Variants in SPARC observed in about 807,000 individuals in gnomAD.
SPARC encodes the protein basement-membrane protein 40.
A neutral mutation model predicts 37.7 loss-of-function variants in SPARC; 23 were observed. That is an observed-to-expected ratio of 0.61 (90% CI 0.44 to 0.87). The LOEUF is 0.87. Ranked by LOEUF, SPARC falls within the 40% of genes least tolerant of loss-of-function variation. SPARC has a pLI of 0.00. For missense variants in SPARC, 312 were observed against 389.0 expected (o/e 0.80, Z 1.66); for synonymous variants, 155 against 150.8 (o/e 1.03, Z -0.20).
At chr5:151,667,163 A>G (rs563671228) in intron 7 of SPARC, among the ~76,000 whole-genome samples, 1 of 152,326 alleles carries the variant, frequency 6.6e-6, no homozygotes, top group East Asian at 1.9e-4. Context: ...GGTAGTTAAT[A>G]TGCTCATTAA....
chr5:151,663,593 A>C lies in SPARC; in HGVS notation c.890T>G (p.Ile297Ser), dbSNP rs1363417533. 1 of 1,614,076 alleles carries C rather than the reference A, an allele frequency of 6.2e-7. No homozygotes were observed. Among genetic ancestry groups the C allele is most frequent in the East Asian group, 2.2e-5 (1 of 44,876 alleles). ...AGCFGIKQKD[I>S]DKDLVI ...GATTTAGATCACAAGATCCTTGTCG[A>C]TATCCTCTGCAAAGCAAGAAAAGAG... Residue 297 changes from isoleucine (I) to serine (S), a missense_variant, in exon 10 of 10, where the codon ATC (isoleucine) becomes AGC (serine). Transcript: ENST00000231061.
chr5:151,675,408 G>A (rs944001031), intron 2 of SPARC, among the ~76,000 whole-genome samples: 3 of 152,132 alleles, frequency 2.0e-5, no homozygotes, highest in East Asian at 1.9e-4. Flanking sequence ...GCAATGCTTC[G>A]AGGAACTGTC....
At position 151,664,204 on chromosome 5, in the gene SPARC, G is replaced by A. The variant is rs370328004; in HGVS notation, c.766C>T (p.Arg256Cys). 4.2e-5 allele frequency: 68 copies of A among 1,613,988 alleles called. No individual in the cohort carries two copies. The highest frequency in any genetic ancestry group is 6.7e-5 in the Admixed American group (4 of 60,006). The change falls in exon 9 of 10, where the codon CGT (arginine) becomes TGT (cysteine). Residue 256 changes from arginine to cysteine, a missense_variant. Arg to Cys is a radical substitution (Grantham distance 180). Coordinates refer to ENST00000231061, the MANE Select transcript of SPARC (RefSeq NM_003118.4). Reference protein sequence around the residue: ...YLSHTELAPLRAPLIPMEHCT... With the variant: ...YLSHTELAPLCAPLIPMEHCT... ...TGCTCCATGGGGATGAGGGGAGCAC[G>A]CAGTGGAGCCAGCTCGGTGTGGGAG... is the stretch of plus-strand genomic sequence containing the variant.
rs200935058 is a variant in SPARC at position 151,663,562 on chromosome 5, G to T, written c.*9C>A. 2 of 1,613,132 alleles carry T rather than the reference G, an allele frequency of 1.2e-6. No individual in the cohort carries two copies. Among genetic ancestry groups the T allele is most frequent in the Non-Finnish European group, 1.7e-6 (2 of 1,179,092 alleles). On this transcript the variant is annotated 3_prime_UTR_variant, in exon 10 of 10. Coordinates refer to ENST00000231061, the MANE Select transcript of SPARC (RefSeq NM_003118.4). ...AAAGAGAGAATCCGGTACTGTGGAA[G>T]GAGTGGATTTAGATCACAAGATCCT...
intron 3 of SPARC, 112 bp from the exon 4 acceptor site, chr5:151,673,328 A>G (rs1760787456): frequency 3.8e-6 from 3 of 785,066 alleles, no homozygotes; most frequent in Middle Eastern, 2.3e-4. Flanking sequence ...TTGGGAATCC[A>G]GATTTAATCT....
chr5:151,680,393 A>T (rs1019464570), intron 1 of SPARC, among the ~76,000 whole-genome samples: 1 of 100,124 alleles, frequency 1.0e-5, no homozygotes, highest in Non-Finnish European at 2.1e-5. Flanking sequence ...ACACCCAGCG[A>T]ATTTTTCTTT....
intron 1 of SPARC, among the ~76,000 whole-genome samples, chr5:151,680,824 G>GT (rs1349068894): frequency 6.6e-6 from 1 of 152,198 alleles, no homozygotes; most frequent in Admixed American, 6.5e-5. Context: ...AAATAAAGAG[G>GT]TAAGCAATGT....
Position 151,667,665 on chromosome 5 carries a change from C to A in SPARC, c.452-65G>T, listed in dbSNP as rs572963541. On this transcript the variant is annotated intron_variant, in intron 6 of 9. Coordinates refer to ENST00000231061, the MANE Select transcript of SPARC (RefSeq NM_003118.4). ...CTGGGCCGTGCTCCCCACCCCAGGCCCCCACCCACCCACATACCACCTGCA... is the reference window on the plus strand; with the variant it reads ...CTGGGCCGTGCTCCCCACCCCAGGCACCCACCCACCCACATACCACCTGCA... 3.4e-5 allele frequency: 53 copies of A among 1,558,530 alleles called. No homozygotes were observed. The African/African-American group carries it at 6.4e-4, about 19-fold the overall frequency.
intron 6 of SPARC, 106 bp downstream of exon 6, chr5:151,669,558 A>C (rs1036958847): frequency 6.1e-6 from 8 of 1,308,466 alleles, no homozygotes; most frequent in African/African-American, 1.5e-5. Flanking sequence ...AAAGGGAGAG[A>C]GATTTGCCCA....
intron 1 of SPARC, among the ~76,000 whole-genome samples, chr5:151,683,758 T>C (rs1033200328): frequency 2.6e-5 from 4 of 152,212 alleles, no homozygotes; most frequent in Non-Finnish European, 4.4e-5. Flanking sequence ...AATTTTCACA[T>C]TCATTGAGAT....
At chr5:151,663,978 G>C in intron 9 of SPARC, 109 bp downstream of exon 9, 2 of 1,323,224 alleles carry the variant, frequency 1.5e-6, no homozygotes, top group Non-Finnish European at 2.1e-6. Flanking sequence ...CAGGCAGAGA[G>C]GACAGACAAC....
chr5:151,674,362 C>T (rs1760812379), intron 3 of SPARC, among the ~76,000 whole-genome samples: 1 of 152,152 alleles, frequency 6.6e-6, no homozygotes, highest in African/African-American at 2.4e-5. Flanking sequence ...GGAAGAACAA[C>T]TGTTGCATAG....
At position 151,663,490 on chromosome 5, in the gene SPARC, A is replaced by G; in HGVS notation, c.*81T>C. ...ACCTTGTCTCCAGGCAGAACAACAA[A>G]CCATCCAAACATTTTAAACATTGGG... On this transcript the variant is annotated 3_prime_UTR_variant, in exon 10 of 10. Coordinates refer to ENST00000231061, the MANE Select transcript of SPARC (RefSeq NM_003118.4). 1.5e-6 allele frequency: 2 copies of G among 1,370,426 alleles called. No individual in the cohort carries two copies. The highest frequency in any genetic ancestry group is 1.7e-5 in the Admixed American group (1 of 58,626). The allele number at this position is 1,370,426 out of a possible 1,614,324, so 84.9% of individuals were successfully genotyped here.
At position 151,666,495 on chromosome 5, in the gene SPARC, A is replaced by T; in HGVS notation, c.600T>A (p.His200Gln). The change falls in exon 8 of 10, where the codon CAT becomes CAA. Residue 200 changes from histidine (H) to glutamine (Q), a missense_variant. By Grantham distance (24) the His-to-Gln change is conservative. Transcript: ENST00000231061. ...EKQKLRVKKI[H>Q]ENEKRLEAGD... is the part of the protein sequence containing the mutation. ...CTGCCTCCAGGCGCTTCTCATTCTCATGGATCTTCTTCACCTGAGGGAGTA... is the reference window on the plus strand; with the variant it reads ...CTGCCTCCAGGCGCTTCTCATTCTCTTGGATCTTCTTCACCTGAGGGAGTA... 6.2e-7 allele frequency: 1 copy of T among 1,613,828 alleles called. No individual in the cohort carries two copies. The highest frequency in any genetic ancestry group is 8.5e-7 in the Non-Finnish European group (1 of 1,179,830).
intron 1 of SPARC, chr5:151,686,091 C>G (rs1761133427): frequency 6.6e-6 from 1 of 152,246 alleles, no homozygotes; most frequent in African/African-American, 2.4e-5. Context: ...CCCCAGCACA[C>G]TCCACCTCCC....
At chr5:151,666,601 G>A in intron 7 of SPARC, 92 bp from the exon 8 acceptor site, 1 of 1,193,438 alleles carries the variant, frequency 8.4e-7, no homozygotes, top group Non-Finnish European at 1.2e-6. Context: ...GCCAGAGCAG[G>A]CAGAGACTAG....
intron 7 of SPARC, among the ~76,000 whole-genome samples, 182 bp downstream of exon 7, chr5:151,667,285 G>T (rs1760644304): frequency 6.6e-6 from 1 of 152,208 alleles, no homozygotes; most frequent in African/African-American, 2.4e-5. Flanking sequence ...ACTTCTCAGA[G>T]CCTCTAAGAT....
At chr5:151,685,476 G>A (rs969601776) in intron 1 of SPARC, among the ~76,000 whole-genome samples, 3 of 147,482 alleles carry the variant, frequency 2.0e-5, no homozygotes, top group Admixed American at 6.8e-5. Flanking sequence ...CAATTTTTAG[G>A]GGCTTAGAGA....
intron 3 of SPARC, among the ~76,000 whole-genome samples, chr5:151,673,710 T>G (rs1760794430): frequency 6.6e-6 from 1 of 152,210 alleles, no homozygotes; most frequent in Non-Finnish European, 1.5e-5. Flanking sequence ...ACTTCTCAAG[T>G]TGTCTTGCCT....
Sources: gnomAD v4.1 joint callset for allele counts (sites outside exome capture counted in the v4.1 genomes callset) on GRCh38, gnomAD v4.1.1 for gene constraint, MANE v1.5 for transcripts, NCBI Gene and HGNC (gene_info 2026-07-23, HGNC 2026-07-21) for gene names.